PCDHGB7: variants seen among roughly 807,000 people sequenced by gnomAD.
PCDHGB7 encodes the protein protocadherin gamma-B7.
In PCDHGB7, 37 loss-of-function variants were observed where a neutral mutation model predicts 61.4. That is an observed-to-expected ratio of 0.60 (90% CI 0.46 to 0.79). The LOEUF is 0.79. PCDHGB7 is among the 30% of genes least tolerant of loss of function. The pLI, the probability that PCDHGB7 is intolerant of heterozygous loss-of-function variation, is 0.00. For missense variants in PCDHGB7, 1,166 were observed against 1,202.5 expected (o/e 0.97, Z 0.45); for synonymous variants, 464 against 503.5 (o/e 0.92, Z 1.05).
At position 141,486,765 on chromosome 5, in the gene PCDHGB7, T is replaced by C; in HGVS notation, c.2416-8042T>C. On this transcript the variant is annotated intron_variant, in intron 1 of 3. Transcript: ENST00000398594. This position sits in a 1 kb window ranked among gnomAD's most constrained non-coding sequence, Gnocchi z 5.0. ...TTTGACTATGAGCAAACCCAGACACTGCAGTTTGAGGTGCAGGCCCGGGAT... is the reference window on the plus strand; with the variant it reads ...TTTGACTATGAGCAAACCCAGACACCGCAGTTTGAGGTGCAGGCCCGGGAT... 4 of 1,614,230 alleles carry C rather than the reference T, an allele frequency of 2.5e-6. No individual in the cohort carries two copies. Among genetic ancestry groups the C allele is most frequent in the Non-Finnish European group, 3.4e-6 (4 of 1,180,038 alleles).
At position 141,490,857 on chromosome 5, in the gene PCDHGB7, C is replaced by G; in HGVS notation, c.2416-3950C>G. 6.2e-7 allele frequency: 1 copy of G among 1,613,832 alleles called. No homozygotes were observed. Among genetic ancestry groups the G allele is most frequent in the Admixed American group, 1.7e-5 (1 of 60,012 alleles). On this transcript the variant is annotated intron_variant, in intron 1 of 3. Coordinates refer to ENST00000398594, the MANE Select transcript of PCDHGB7 (RefSeq NM_018927.4). The surrounding 1 kb of genome is among the most constrained non-coding windows in gnomAD (Gnocchi z 5.4). ...AGATTGTGGTGGGGGTTCGAGACTCCGGCTCTCCCCCATTGCATGCCAACA... is the reference window on the plus strand; with the variant it reads ...AGATTGTGGTGGGGGTTCGAGACTCGGGCTCTCCCCCATTGCATGCCAACA...
intron 1 of PCDHGB7, chr5:141,441,578 C>T (rs889509502): frequency 2.9e-5 from 6 of 207,738 alleles, no homozygotes; most frequent in Non-Finnish European, 5.9e-5. Flanking sequence ...CCAACCTAGA[C>T]TTGGGACCCA....
intron 1 of PCDHGB7, among the ~76,000 whole-genome samples, chr5:141,451,727 C>A (rs2098722766): frequency 6.6e-6 from 1 of 152,014 alleles, no homozygotes; most frequent in Admixed American, 6.6e-5. Flanking sequence ...ACTAAAAATA[C>A]AAAAATTAGC....
chr5:141,417,994 G>T lies in PCDHGB7; in HGVS notation c.135G>T (p.Ser45=), dbSNP rs369226139. 1.4e-4 allele frequency: 231 copies of T among 1,613,766 alleles called. No homozygotes were observed. The highest frequency in any genetic ancestry group is 1.8e-4 in the Non-Finnish European group (216 of 1,179,766). ...TTCCGGAGGAGCTGGCCAAGGGCTC[G>T]GTGGTGGGGAACCTCGCTAAGGATC... ...YSIPEELAKG[S]VVGNLAKDLG... The change falls in exon 1 of 4, where the codon TCG becomes TCT. Residue 45 remains serine, a synonymous_variant. Transcript: ENST00000398594.
Position 141,419,076 on chromosome 5 carries a change from C to G in PCDHGB7, c.1217C>G (p.Thr406Arg). The G allele has an allele frequency of 6.2e-7, 1 of 1,613,956 alleles. No individual in the cohort carries two copies. Among genetic ancestry groups the G allele is most frequent in the Non-Finnish European group, 8.5e-7 (1 of 1,179,886 alleles). Residue 406 changes from threonine to arginine, a missense_variant, in exon 1 of 4, where the codon ACA becomes AGA. Physicochemically the swap from Thr to Arg is moderately conservative, Grantham distance 71. Coordinates refer to ENST00000398594, the MANE Select transcript of PCDHGB7 (RefSeq NM_018927.4). The part of the protein sequence containing the change: ...SSSNNYYKLV[T>R]DEALDREQTP... ...TCTAATAATTACTACAAGCTAGTAA[C>G]AGATGAGGCCCTGGATCGGGAGCAG...
chr5:141,455,817 A>G (rs1251279680), intron 1 of PCDHGB7, among the ~76,000 whole-genome samples: 3 of 151,882 alleles, frequency 2.0e-5, no homozygotes, highest in Non-Finnish European at 4.4e-5. Flanking sequence ...AAAACTTCCC[A>G]AGGACCCCTT....
Position 141,485,804 on chromosome 5 carries a change from G to A in PCDHGB7, c.2416-9003G>A. 6.2e-7 allele frequency: 1 copy of A among 1,614,218 alleles called. No individual in the cohort carries two copies. On this transcript the variant is annotated intron_variant, in intron 1 of 3. Coordinates refer to ENST00000398594, the MANE Select transcript of PCDHGB7 (RefSeq NM_018927.4). This position sits in a 1 kb window ranked among gnomAD's most constrained non-coding sequence, Gnocchi z 5.7. The stretch of plus-strand genomic sequence containing the variant: ...AGAGAAGCAATCGGACTACCGCCTG[G>A]TGCTGACTGCTGTCGATGGAGGGAA...
At chr5:141,422,498 C>G in intron 1 of PCDHGB7, 1 of 1,613,966 alleles carries the variant, frequency 6.2e-7, no homozygotes. Context: ...ATAACGTTGA[C>G]AGCCACAGAC....
chr5:141,482,601 A>T (rs1158399317), intron 1 of PCDHGB7, among the ~76,000 whole-genome samples: 1 of 152,002 alleles, frequency 6.6e-6, no homozygotes, highest in Non-Finnish European at 1.5e-5. Flanking sequence ...ACGGGAAAAA[A>T]CACCTAAATG....
chr5:141,445,115 A>G (rs1038787011), intron 1 of PCDHGB7, among the ~76,000 whole-genome samples: 1 of 152,308 alleles, frequency 6.6e-6, no homozygotes, highest in East Asian at 1.9e-4. Flanking sequence ...GTTATTGTAA[A>G]TAGTATTTTT....
chr5:141,419,310 A>G lies in PCDHGB7; in HGVS notation c.1451A>G (p.Asn484Ser). 1 of 1,613,948 alleles carries G rather than the reference A, an allele frequency of 6.2e-7. No homozygotes were observed. The highest frequency in any genetic ancestry group is 8.5e-7 in the Non-Finnish European group (1 of 1,179,892). Residue 484 changes from asparagine to serine, a missense_variant, in exon 1 of 4, where the codon AAC becomes AGC. Transcript: ENST00000398594. ...VSASDPDFGL[N>S]GRVSYSLIAS... is the part of the protein sequence containing the mutation. ...GCCTCTGACCCAGACTTCGGGCTCA[A>G]CGGCCGTGTCTCCTACTCTCTCATT...
intron 1 of PCDHGB7, among the ~76,000 whole-genome samples, chr5:141,437,491 T>C (rs1428543921): frequency 6.6e-6 from 1 of 152,184 alleles, no homozygotes; most frequent in Non-Finnish European, 1.5e-5. Flanking sequence ...ATCTCGTAGA[T>C]CACTTTTCAA....
chr5:141,494,449 G>A (rs185095384), intron 1 of PCDHGB7, among the ~76,000 whole-genome samples: 2 of 152,254 alleles, frequency 1.3e-5, no homozygotes, highest in East Asian at 3.9e-4. Flanking sequence ...CACTTTAGGG[G>A]GCTTTGTCTG....
In PCDHGB7 at chr5:141,491,341, G is replaced by C. The variant is rs775712620; in HGVS notation, c.2416-3466G>C. ...TTACCTCATTGTGGCTCTAGCGACC[G>C]TCAGTCTCTTATCCCTAGTCACCTT... On this transcript the variant is annotated intron_variant, in intron 1 of 3. Transcript: ENST00000398594. This position sits in a 1 kb window ranked among gnomAD's most constrained non-coding sequence, Gnocchi z 6.9. 10 of 1,614,100 alleles carry C rather than the reference G, an allele frequency of 6.2e-6. No homozygotes were observed. In the East Asian group the frequency reaches 8.9e-5, roughly 14 times the overall value.
intron 1 of PCDHGB7, among the ~76,000 whole-genome samples, chr5:141,448,838 T>C (rs2098609981): frequency 6.6e-6 from 1 of 151,802 alleles, no homozygotes; most frequent in Non-Finnish European, 1.5e-5. Flanking sequence ...CCAGCTACTC[T>C]GGAGGCTGAG....
chr5:141,464,913 A>AT (rs1366203949), intron 1 of PCDHGB7, among the ~76,000 whole-genome samples: 2 of 151,546 alleles, frequency 1.3e-5, no homozygotes, highest in South Asian at 4.2e-4. Flanking sequence ...TAATTTTTTT[A>AT]TTTTTTTGTA....
rs750216656 is a variant in PCDHGB7 at position 141,422,121 on chromosome 5, A to G, written c.2415+1847A>G. 4.4e-6 allele frequency: 7 copies of G among 1,602,838 alleles called. No individual in the cohort carries two copies. In the Admixed American group the frequency reaches 8.8e-5, roughly 20 times the overall value. On this transcript the variant is annotated intron_variant, in intron 1 of 3. Coordinates refer to ENST00000398594, the MANE Select transcript of PCDHGB7 (RefSeq NM_018927.4). ...CTGAAATATTCCAATTGGATTCACA[A>G]ACTGGAGAAGTTCAAGTACGGGGGT...
At chr5:141,450,551 G>T (rs2098684306) in intron 1 of PCDHGB7, among the ~76,000 whole-genome samples, 1 of 150,822 alleles carries the variant, frequency 6.6e-6, no homozygotes, top group Admixed American at 6.6e-5. Flanking sequence ...CAGTGGCGCA[G>T]TCTCGGCTCA....
At position 141,490,788 on chromosome 5, in the gene PCDHGB7, C is replaced by G. The variant is rs2099704332; in HGVS notation, c.2416-4019C>G. ...ATGTCAACCCAGAGGATGGACGGAT[C>G]TTTGCCCAGCGTACCTTTGACTATG... On this transcript the variant is annotated intron_variant, in intron 1 of 3. Coordinates refer to ENST00000398594, the MANE Select transcript of PCDHGB7 (RefSeq NM_018927.4). The surrounding 1 kb of genome is among the most constrained non-coding windows in gnomAD (Gnocchi z 5.4). 6.2e-7 allele frequency: 1 copy of G among 1,613,918 alleles called. No homozygotes were observed. The highest frequency in any genetic ancestry group is 1.1e-5 in the South Asian group (1 of 91,084).
Sources: allele counts gnomAD v4.1 joint callset (sites outside exome capture counted in the v4.1 genomes callset), GRCh38; gene constraint gnomAD v4.1.1; non-coding constraint Gnocchi (gnomAD v3.1); transcripts MANE v1.5; gene names NCBI Gene and HGNC (gene_info 2026-07-23, HGNC 2026-07-21).